The following ZNF362 variants were observed in gnomAD, a reference collection of about 807,000 sequenced individuals.
ZNF362 encodes zinc finger protein 362.
Under a neutral mutation model 42.9 loss-of-function variants are expected in ZNF362, and 11 were observed. The ratio of observed to expected loss-of-function variants is 0.26; its 90% CI spans 0.16 to 0.42. The LOEUF (loss-of-function observed/expected upper bound fraction) is 0.42. Ranked by LOEUF, ZNF362 falls within the 20% of genes least tolerant of loss-of-function variation. ZNF362 has a pLI of 1.00. For synonymous variants in ZNF362, 255 were observed against 257.3 expected, an observed-to-expected ratio of 0.99 and a Z score of 0.09; for missense variants, 362 against 576.2, an observed-to-expected ratio of 0.63 and a Z score of 3.81.
chr1:33,184,040 T>TA, the ZNF362 span, among the ~76,000 whole-genome samples: 2 of 46,164 alleles, frequency 4.3e-5, no homozygotes, highest in African/African-American at 1.8e-4. Flanking sequence ...TGAAATGAAA[T>TA]GAAAAAAAAA....
chr1:33,206,851 G>A, the ZNF362 span, among the ~76,000 whole-genome samples: 1 of 152,146 alleles, frequency 6.6e-6, no homozygotes, highest in Non-Finnish European at 1.5e-5. Context: ...TAATCATTAA[G>A]GAGATGCAAA....
the ZNF362 span, among the ~76,000 whole-genome samples, chr1:33,186,040 A>G: frequency 3.3e-5 from 5 of 152,158 alleles, no homozygotes; most frequent in Non-Finnish European, 7.4e-5. Context: ...TTATTTATGG[A>G]TTCCATATTT....
At chr1:33,179,170 C>T in the ZNF362 span, among the ~76,000 whole-genome samples, 2 of 152,226 alleles carry the variant, frequency 1.3e-5, no homozygotes, top group African/African-American at 2.4e-5. Context: ...ACTCCATAGA[C>T]GGGGAGATGG....
the ZNF362 span, among the ~76,000 whole-genome samples, chr1:33,175,480 A>T: frequency 6.6e-6 from 1 of 152,156 alleles, no homozygotes; most frequent in Non-Finnish European, 1.5e-5. Flanking sequence ...GAGTCGGGAG[A>T]GCTGAGCTCT....
At chr1:33,230,156 T>G in the ZNF362 span, among the ~76,000 whole-genome samples, 2,577 of 152,356 alleles carry the variant, frequency 0.017, 86 homozygotes, top group African/African-American at 0.058. Context: ...AACTTAAGCA[T>G]GTTATTTAAC....
intron 2 of ZNF362, among the ~76,000 whole-genome samples, chr1:33,271,058 T>C (rs906946855): frequency 6.6e-6 from 1 of 152,142 alleles, no homozygotes; most frequent in Non-Finnish European, 1.5e-5. Context: ...CCCAGGGGCC[T>C]CCCACTGCCT....
At chr1:33,297,351 C>CTAA (rs10643513) in intron 8 of ZNF362, among the ~76,000 whole-genome samples, 76,028 of 151,656 alleles carry the variant, frequency 0.5, 20,349 homozygotes, top group Admixed American at 0.63. Context: ...CTTTATCTCT[C>CTAA]TGATAAAGAC....
chr1:33,195,147 G>C, the ZNF362 span: 4 of 152,226 alleles, frequency 2.6e-5, no homozygotes, highest in African/African-American at 9.7e-5. Flanking sequence ...TAATACCTTT[G>C]AAGTGATCAG....
the ZNF362 span, among the ~76,000 whole-genome samples, chr1:33,246,129 T>C: frequency 6.6e-6 from 1 of 152,150 alleles, no homozygotes; most frequent in Non-Finnish European, 1.5e-5. Context: ...AAATTCCTGT[T>C]GTCTTAAGCC....
the ZNF362 span, among the ~76,000 whole-genome samples, chr1:33,167,250 G>A: frequency 1.4e-4 from 22 of 152,126 alleles, no homozygotes; most frequent in African/African-American, 4.3e-4. This position sits in a 1 kb window ranked among gnomAD's most constrained non-coding sequence, Gnocchi z 4.2. Context: ...TCTTCCTTGC[G>A]CCTTCTGCTG....
the ZNF362 span, among the ~76,000 whole-genome samples, chr1:33,160,402 TTTA>T: frequency 2.4e-3 from 371 of 151,972 alleles, no homozygotes; most frequent in Non-Finnish European, 3.9e-3. Context: ...TTTTTTTGCT[TTTA>T]TTATTATTAG....
chr1:33,180,136 A>G, the ZNF362 span, among the ~76,000 whole-genome samples: 99 of 152,274 alleles, frequency 6.5e-4, no homozygotes, highest in African/African-American at 2.2e-3. Flanking sequence ...TTCTATGCCA[A>G]CTATGCTCAG....
chr1:33,154,205 A>G, the ZNF362 span, among the ~76,000 whole-genome samples: 2 of 152,224 alleles, frequency 1.3e-5, no homozygotes, highest in African/African-American at 4.8e-5. Context: ...TCACGCCTGT[A>G]ATGCCAGCAC....
chr1:33,263,382 A>C (rs932561459), intron 1 of ZNF362, among the ~76,000 whole-genome samples: 1 of 152,026 alleles, frequency 6.6e-6, no homozygotes, highest in Non-Finnish European at 1.5e-5. Flanking sequence ...GGAGGTAGAC[A>C]GGCACTATAT....
the ZNF362 span, among the ~76,000 whole-genome samples, chr1:33,160,553 C>T: frequency 0.27 from 41,428 of 151,648 alleles, 7,015 homozygotes; most frequent in Admixed American, 0.44. Flanking sequence ...TACAGGAGCC[C>T]GCCACTATGC....
chr1:33,249,073 A>G, the ZNF362 span, among the ~76,000 whole-genome samples: 2 of 152,258 alleles, frequency 1.3e-5, no homozygotes, highest in African/African-American at 4.8e-5. Context: ...TACAGCTGAG[A>G]TAAGTCTGTA....
intron 8 of ZNF362, among the ~76,000 whole-genome samples, chr1:33,298,161 C>T (rs61799544): frequency 6.6e-6 from 1 of 152,160 alleles, no homozygotes; most frequent in Non-Finnish European, 1.5e-5. Context: ...ACAACCTCAC[C>T]TACCCAGTCC....
At chr1:33,296,837 T>TG (rs1398543587) in intron 8 of ZNF362, among the ~76,000 whole-genome samples, 1 of 151,536 alleles carries the variant, frequency 6.6e-6, no homozygotes, top group Admixed American at 6.6e-5. Flanking sequence ...TTTTTTTTTT[T>TG]TTTTTGGTAT....
rs140930832 is a variant in ZNF362 at position 33,263,057 on chromosome 1, C to G, written c.-89+6403C>G. ...GCATGGTGTTCATCTGTACACAGCT[C>G]TGTTCACTCAGGCCTCCTTGTGCAC... is the stretch of plus-strand genomic sequence containing the variant. On this transcript the variant is annotated intron_variant, in intron 1 of 8. Coordinates refer to ENST00000539719, the MANE Select transcript of ZNF362 (RefSeq NM_152493.3). 7.4e-4 allele frequency among the ~76,000 whole-genome samples: 112 copies of G among 152,380 alleles called. 1 individual carries two copies. In the East Asian group the frequency reaches 0.018, roughly 24 times the overall value.
Sources: allele counts gnomAD v4.1 joint callset (sites outside exome capture counted in the v4.1 genomes callset), GRCh38; gene constraint gnomAD v4.1.1; non-coding constraint Gnocchi (gnomAD v3.1); transcripts MANE v1.5; gene names NCBI Gene and HGNC (gene_info 2026-07-23, HGNC 2026-07-21).